RAB8A: variants seen among roughly 807,000 people sequenced by gnomAD.
The protein encoded by RAB8A is ras-related protein Rab-8A.
RAB8A carries 5 observed loss-of-function variants against 29.2 expected under a neutral mutation model. The observed-to-expected ratio is 0.17, with a 90% CI of 0.09 to 0.36. RAB8A has a LOEUF of 0.36. RAB8A is among the 10% of genes least tolerant of loss of function. RAB8A has a pLI of 1.00. For synonymous variants in RAB8A, 108 were observed against 99.9 expected, an observed-to-expected ratio of 1.08 and a Z score of -0.49; for missense variants, 171 against 272.2, an observed-to-expected ratio of 0.63 and a Z score of 2.62.
At chr19:16,112,229 A>C in intron 1 of RAB8A, 1 of 666,782 alleles carries the variant, frequency 1.5e-6, no homozygotes. Context: ...CCCATTTTGC[A>C]GATAGGGAGA....
intron 2 of RAB8A, among the ~76,000 whole-genome samples, chr19:16,121,003 A>G (rs111996065): frequency 0.16 from 24,115 of 147,966 alleles, 2,060 homozygotes; most frequent in Middle Eastern, 0.2. Flanking sequence ...TGCAGCCTCC[A>G]CCTCCTGGGT....
chr19:16,125,656 C>T lies in RAB8A; in HGVS notation c.324+109C>T. 1 of 1,015,754 alleles carries T rather than the reference C, an allele frequency of 9.8e-7. No individual in the cohort carries two copies. The highest frequency in any genetic ancestry group is 2.6e-5 in the East Asian group (1 of 38,590). The allele number at this position is 1,015,754 out of a possible 1,614,324, so 62.9% of individuals were successfully genotyped here. On this transcript the variant is annotated intron_variant, in intron 4 of 7. Coordinates refer to ENST00000300935, the MANE Select transcript of RAB8A (RefSeq NM_005370.5). This position sits in a 1 kb window ranked among gnomAD's most constrained non-coding sequence, Gnocchi z 5.0. ...GCAGAGACACATACAGGCCACTTGC[C>T]CACAGCCTCCTAGTCAGGGACATGG...
At chr19:16,128,478 G>A (rs2090911553) in intron 6 of RAB8A, among the ~76,000 whole-genome samples, 1 of 152,164 alleles carries the variant, frequency 6.6e-6, no homozygotes, top group South Asian at 2.1e-4. Flanking sequence ...ATAGCAGGGA[G>A]CCCTGATGGG....
At chr19:16,131,013 G>A (rs896449549) in intron 7 of RAB8A, among the ~76,000 whole-genome samples, 28 of 152,030 alleles carry the variant, frequency 1.8e-4, no homozygotes, top group Admixed American at 3.3e-4. Context: ...TAGTAGAGAC[G>A]AGGCTTCACC....
chr19:16,125,832 G>A lies in RAB8A; in HGVS notation c.324+285G>A, dbSNP rs896694611. ...TAAGAGAAAGGATATCCAAGCTTGT[G>A]GTCACCATGAGTGTTGGGTGCTTTC... On this transcript the variant is annotated intron_variant, in intron 4 of 7. Transcript: ENST00000300935. The surrounding 1 kb of genome is among the most constrained non-coding windows in gnomAD (Gnocchi z 5.0). 61 of 540,760 alleles carry A rather than the reference G, an allele frequency of 1.1e-4. 1 individual carries two copies. In the Admixed American group the frequency reaches 1.2e-3, roughly 10 times the overall value. The allele number at this position is 540,760 out of a possible 1,614,324, so 33.5% of individuals were successfully genotyped here. A position where few individuals can be genotyped will look rare whatever the true frequency, so the allele number is the denominator to read the frequency against.
At chr19:16,119,412 T>A (rs1026614561) in intron 2 of RAB8A, among the ~76,000 whole-genome samples, 21 of 151,772 alleles carry the variant, frequency 1.4e-4, no homozygotes, top group African/African-American at 5.1e-4. Flanking sequence ...TCCATGTTGG[T>A]CAGGCTGGTC....
At chr19:16,121,889 C>T in intron 3 of RAB8A, 79 bp downstream of exon 3, 1 of 1,401,590 alleles carries the variant, frequency 7.1e-7, no homozygotes, top group Non-Finnish European at 1.0e-6. Context: ...GTTACCGAAG[C>T]CTAGATGTTT....
intron 3 of RAB8A, among the ~76,000 whole-genome samples, chr19:16,123,169 TA>T (rs773508489): frequency 6.6e-6 from 1 of 152,228 alleles, no homozygotes; most frequent in Non-Finnish European, 1.5e-5. Context: ...GGTAAATGGC[TA>T]GGCTGGGCTG....
chr19:16,114,180 G>A (rs2090835697), intron 1 of RAB8A, among the ~76,000 whole-genome samples: 1 of 151,990 alleles, frequency 6.6e-6, no homozygotes, highest in Non-Finnish European at 1.5e-5. Context: ...AAGGTGGGAG[G>A]ATCGATTGAG....
At chr19:16,120,155 T>G (rs1210441296) in intron 2 of RAB8A, among the ~76,000 whole-genome samples, 3 of 152,022 alleles carry the variant, frequency 2.0e-5, no homozygotes, top group Non-Finnish European at 1.5e-5. Flanking sequence ...GCTGCTGGTG[T>G]CAGAAAGTCA....
At chr19:16,123,026 A>G (rs542761440) in intron 3 of RAB8A, among the ~76,000 whole-genome samples, 14 of 152,260 alleles carry the variant, frequency 9.2e-5, no homozygotes, top group Admixed American at 8.5e-4. Flanking sequence ...CAGTGGGCCC[A>G]GGTCTTAGCT....
At chr19:16,116,398 A>G (rs972300704) in intron 1 of RAB8A, among the ~76,000 whole-genome samples, 3 of 152,318 alleles carry the variant, frequency 2.0e-5, no homozygotes, top group Middle Eastern at 3.4e-3. Flanking sequence ...TTAAAAAAAA[A>G]TAGCTTTATG....
Position 16,127,647 on chromosome 19 carries a change from C to A in RAB8A, c.414+121C>A, listed in dbSNP as rs1332271981. 2.6e-6 allele frequency: 2 copies of A among 770,830 alleles called. No homozygotes were observed. Among genetic ancestry groups the A allele is most frequent in the Non-Finnish European group, 4.0e-6 (2 of 494,708 alleles). The allele number at this position is 770,830 out of a possible 1,614,324, so 47.7% of individuals were successfully genotyped here. ...ACGAGTTGGTCACCCCAGTGGGGCA[C>A]GTGCCATGGGATGACAGAAGCACAC... On this transcript the variant is annotated intron_variant, in intron 5 of 7. Coordinates refer to ENST00000300935, the MANE Select transcript of RAB8A (RefSeq NM_005370.5). This position sits in a 1 kb window ranked among gnomAD's most constrained non-coding sequence, Gnocchi z 4.8.
At chr19:16,128,223 C>T in intron 6 of RAB8A, 132 bp downstream of exon 6, 1 of 927,716 alleles carries the variant, frequency 1.1e-6, no homozygotes, top group Non-Finnish European at 1.7e-6. Context: ...CCAGTCAGTC[C>T]TCTGAGGGAC....
chr19:16,125,407 G>A lies in RAB8A; in HGVS notation c.247-63G>A, dbSNP rs887931209. On this transcript the variant is annotated intron_variant, in intron 3 of 7. Transcript: ENST00000300935. The surrounding 1 kb of genome is among the most constrained non-coding windows in gnomAD (Gnocchi z 5.0). The stretch of plus-strand genomic sequence containing the variant: ...CTCCCCACCACTGTTCTCTGGTGCC[G>A]CTGAGGCCTCCCTTCCAGAGCCTGC... The A allele has an allele frequency of 3.5e-5, 51 of 1,446,034 alleles. No individual in the cohort carries two copies. The highest frequency in any genetic ancestry group is 1.3e-4 in the African/African-American group (9 of 71,044). The allele number at this position is 1,446,034 out of a possible 1,614,324, so 89.6% of individuals were successfully genotyped here. A position where few individuals can be genotyped will look rare whatever the true frequency, so the allele number is the denominator to read the frequency against.
chr19:16,114,276 A>G lies in RAB8A; in HGVS notation c.124+2251A>G, dbSNP rs561969154. On this transcript the variant is annotated intron_variant, in intron 1 of 7. Transcript: ENST00000300935. ...GAGCGAGACCCTGTCTTAAAAAATAATAATAAAAATAAAAGAAAGAAAGAA... is the reference window on the plus strand; with the variant it reads ...GAGCGAGACCCTGTCTTAAAAAATAGTAATAAAAATAAAAGAAAGAAAGAA... Among the ~76,000 whole-genome samples the G allele has an allele frequency of 1.3e-3, 202 of 152,098 alleles. 1 individual carries two copies. The highest frequency in any genetic ancestry group is 2.7e-3 in the South Asian group (13 of 4,818).
At chr19:16,128,849 C>G (rs1030121284) in intron 6 of RAB8A, among the ~76,000 whole-genome samples, 4 of 152,220 alleles carry the variant, frequency 2.6e-5, no homozygotes, top group Admixed American at 1.3e-4. Flanking sequence ...CCCAAGAACA[C>G]CTTCAGTCTC....
At chr19:16,124,720 C>CG (rs1241394534) in intron 3 of RAB8A, 1 of 133,930 alleles carries the variant, frequency 7.5e-6, no homozygotes, top group African/African-American at 2.8e-5. Context: ...AGCCCCCCCC[C>CG]GCCCCCCGTG....
Position 16,127,468 on chromosome 19 carries a change from T to C in RAB8A, c.356T>C (p.Leu119Pro). 6.5e-7 allele frequency: 1 copy of C among 1,532,600 alleles called. No individual in the cohort carries two copies. Among genetic ancestry groups the C allele is most frequent in the Non-Finnish European group, 8.7e-7 (1 of 1,144,254 alleles). The allele number at this position is 1,532,600 out of a possible 1,614,324, so 94.9% of individuals were successfully genotyped here. A position where few individuals can be genotyped will look rare whatever the true frequency, so the allele number is the denominator to read the frequency against. The change falls in exon 5 of 8, where the codon CTC (leucine) becomes CCC (proline). Residue 119 changes from leucine to proline, a missense_variant. Transcript: ENST00000300935. The surrounding 1 kb of genome is among the most constrained non-coding windows in gnomAD (Gnocchi z 4.8). ...TCTGCAGACGTCGAAAAGATGATAC[T>C]CGGGAACAAGTGTGATGTGAATGAC... ...HASADVEKMI[L>P]GNKCDVNDKR...
Sources: gnomAD v4.1 joint callset for allele counts (sites outside exome capture counted in the v4.1 genomes callset) on GRCh38, gnomAD v4.1.1 for gene constraint, Gnocchi (gnomAD v3.1) non-coding constraint, MANE v1.5 for transcripts, NCBI Gene and HGNC (gene_info 2026-07-23, HGNC 2026-07-21) for gene names.